The following GALNT9 variants were observed in gnomAD, a reference collection of about 807,000 sequenced individuals.
GALNT9 encodes GalNAc transferase 9.
GALNT9 carries 47 observed loss-of-function variants against 63.1 expected under a neutral mutation model. The observed-to-expected ratio is 0.75, with a 90% CI of 0.59 to 0.95. The LOEUF is 0.95. Among genes scored for constraint, GALNT9 ranks in the 40% least tolerant of loss-of-function variants. GALNT9 has a pLI of 0.00. For missense variants in GALNT9, 829 were observed against 874.8 expected (o/e 0.95, Z 0.66); for synonymous variants, 396 against 365.7 (o/e 1.08, Z -0.94).
chr12:132,254,193 T>TTTTG lies in GALNT9; in HGVS notation c.959+3495_959+3496insCAAA, dbSNP rs1488631639. On this transcript the variant is annotated intron_variant, in intron 5 of 10. Coordinates refer to ENST00000328957, the MANE Select transcript of GALNT9 (RefSeq NM_001122636.2). ...CCTGACACCACGCCCTGCGAATTTT[T>TTTTG]GTATTTTTAGTAGAGACAGGGTTTT... 1.1e-4 allele frequency among the ~76,000 whole-genome samples: 16 copies of TTTTG among 152,122 alleles called. No homozygotes were observed. In the East Asian group the frequency reaches 3.1e-3, roughly 29 times the overall value.
intron 1 of GALNT9, among the ~76,000 whole-genome samples, chr12:132,323,011 G>A (rs113833973): frequency 6.6e-6 from 1 of 152,268 alleles, no homozygotes; most frequent in African/African-American, 2.4e-5. Context: ...CTCCTCCAGC[G>A]CCTCCCGGCT....
intron 6 of GALNT9, among the ~76,000 whole-genome samples, chr12:132,230,861 G>C (rs914778433): frequency 6.6e-6 from 1 of 152,206 alleles, no homozygotes; most frequent in South Asian, 2.1e-4. Context: ...AGACCACACC[G>C]CAGGCCACTG....
chr12:132,263,353 T>A (rs1304874916), intron 2 of GALNT9, among the ~76,000 whole-genome samples: 1 of 152,212 alleles, frequency 6.6e-6, no homozygotes, highest in Non-Finnish European at 1.5e-5. Context: ...GGAAAAAGCT[T>A]GGATTGCACA....
intron 8 of GALNT9, 66 bp downstream of exon 8, chr12:132,201,058 A>G (rs1029371402): frequency 1.8e-5 from 27 of 1,469,302 alleles, no homozygotes; most frequent in Non-Finnish European, 2.5e-5. Flanking sequence ...CCCTGAATGC[A>G]TACGTGTGCA....
chr12:132,278,984 GCCCAT>G (rs142889359), intron 2 of GALNT9: 7,731 of 135,940 alleles, frequency 0.057, 393 homozygotes, highest in African/African-American at 0.21. Flanking sequence ...ACCCAGCCCA[GCCCAT>G]CCCATCCCAA....
At chr12:132,208,449 G>C (rs535813588) in intron 6 of GALNT9, among the ~76,000 whole-genome samples, 1 of 152,364 alleles carries the variant, frequency 6.6e-6, no homozygotes, top group Admixed American at 6.5e-5. Context: ...TATCACCCTA[G>C]GCCTTCGTCA....
chr12:132,203,850 G>T (rs1593465895), intron 6 of GALNT9, among the ~76,000 whole-genome samples, 160 bp from the exon 7 acceptor site: 2 of 152,108 alleles, frequency 1.3e-5, no homozygotes, highest in Non-Finnish European at 2.9e-5. Flanking sequence ...CCTCTCGGGG[G>T]CTGTTTTCAG....
chr12:132,237,133 G>A (rs2136895207), intron 6 of GALNT9, among the ~76,000 whole-genome samples: 2 of 152,102 alleles, frequency 1.3e-5, no homozygotes, highest in Non-Finnish European at 2.9e-5. Flanking sequence ...TGCTGAGGCT[G>A]TGCAGGCAGT....
chr12:132,226,413 C>T (rs1877689956), intron 6 of GALNT9, among the ~76,000 whole-genome samples: 1 of 146,748 alleles, frequency 6.8e-6, no homozygotes, highest in Admixed American at 6.8e-5. Flanking sequence ...TCATATACCC[C>T]ATGTACACAC....
intron 6 of GALNT9, among the ~76,000 whole-genome samples, chr12:132,243,312 A>T (rs1172758175): frequency 3.0e-5 from 4 of 134,716 alleles, no homozygotes; most frequent in Non-Finnish European, 4.6e-5. Context: ...TATACCCATT[A>T]CACACACACC....
chr12:132,213,405 G>A (rs181098460), intron 6 of GALNT9, among the ~76,000 whole-genome samples: 65 of 152,174 alleles, frequency 4.3e-4, no homozygotes, highest in African/African-American at 8.9e-4. Context: ...CACCGCAGAT[G>A]CACACGTGTG....
intron 1 of GALNT9, among the ~76,000 whole-genome samples, chr12:132,324,559 G>A (rs1467492562): frequency 4.6e-5 from 7 of 152,348 alleles, no homozygotes; most frequent in African/African-American, 1.7e-4. Context: ...GTGGCAGCGG[G>A]GGGTCTTTGG....
intron 6 of GALNT9, among the ~76,000 whole-genome samples, chr12:132,243,301 C>G (rs1555237588): frequency 2.1e-5 from 3 of 144,178 alleles, no homozygotes; most frequent in Non-Finnish European, 4.4e-5. Context: ...GGGGCCCTCC[C>G]TATACCCATT....
At position 132,262,445 on chromosome 12, in the gene GALNT9, C is replaced by A. The variant is rs1879431307; in HGVS notation, c.586+14G>T. 1 of 1,546,004 alleles carries A rather than the reference C, an allele frequency of 6.5e-7. No homozygotes were observed. Among genetic ancestry groups the A allele is most frequent in the Non-Finnish European group, 8.7e-7 (1 of 1,144,314 alleles). On this transcript the variant is annotated intron_variant, in intron 3 of 10. Transcript: ENST00000328957. Reference sequence around the variant, plus strand: ...CCGCCCGGCGAGCACCGTGCCGAGGCCCCGCCCACTCACCGTTGTCACTGT... The same window carrying A: ...CCGCCCGGCGAGCACCGTGCCGAGGACCCGCCCACTCACCGTTGTCACTGT...
chr12:132,298,998 A>C lies in GALNT9; in HGVS notation c.239-12568T>G, dbSNP rs140827742. On this transcript the variant is annotated intron_variant, in intron 1 of 10. Transcript: ENST00000328957. ...TAACTAACCCACTCGGACCACACCT[A>C]ACCCATCCCTGAGATGACCAAGCCA... Among the ~76,000 whole-genome samples, 7 of 147,876 alleles carry C rather than the reference A, an allele frequency of 4.7e-5. No homozygotes were observed. The East Asian group carries it at 1.5e-3, about 32-fold the overall frequency.
Position 132,296,089 on chromosome 12 carries a change from G to T in GALNT9, c.239-9659C>A, listed in dbSNP as rs994200063. On this transcript the variant is annotated intron_variant, in intron 1 of 10. Transcript: ENST00000328957. This position sits in a 1 kb window ranked among gnomAD's most constrained non-coding sequence, Gnocchi z 4.2. ...AGGCTCCGGAACAGGGAGAGCCTCC[G>T]AACAGGGAGAGCCTCCGAACAGGGA... Among the ~76,000 whole-genome samples, 7 of 145,966 alleles carry T rather than the reference G, an allele frequency of 4.8e-5. No homozygotes were observed. The highest frequency in any genetic ancestry group is 1.0e-4 in the Non-Finnish European group (7 of 66,988).
intron 6 of GALNT9, among the ~76,000 whole-genome samples, chr12:132,211,651 T>C (rs1027382743): frequency 6.6e-6 from 1 of 152,330 alleles, no homozygotes; most frequent in Admixed American, 6.5e-5. Context: ...TTTTCCCGAA[T>C]ATTCTCTCTG....
Position 132,197,775 on chromosome 12 carries a change from CTT to C in GALNT9, c.1665+15_1665+16del. On this transcript the variant is annotated intron_variant, in intron 10 of 10. Coordinates refer to ENST00000328957, the MANE Select transcript of GALNT9 (RefSeq NM_001122636.2). ...GCCCCGCCCCAACCCCACGGCCCCC[CTT>C]CCCCAGAGGCTGACCTGGGTGAAGT... 3 of 1,530,564 alleles carry C rather than the reference CTT, an allele frequency of 2.0e-6. No individual in the cohort carries two copies. The highest frequency in any genetic ancestry group is 2.7e-6 in the Non-Finnish European group (3 of 1,127,940). 94.8% of individuals were successfully genotyped at this position (1,530,564 alleles called of 1,614,324 possible).
chr12:132,321,224 C>CCGGAG (rs1555246112), intron 1 of GALNT9, among the ~76,000 whole-genome samples: 2 of 29,394 alleles, frequency 6.8e-5, no homozygotes, highest in Non-Finnish European at 1.3e-4. Flanking sequence ...CCCTGTGGGT[C>CCGGAG]TGGAGTCGAG....
Sources: allele counts gnomAD v4.1 joint callset (sites outside exome capture counted in the v4.1 genomes callset), GRCh38; gene constraint gnomAD v4.1.1; non-coding constraint Gnocchi (gnomAD v3.1); transcripts MANE v1.5; gene names NCBI Gene and HGNC (gene_info 2026-07-23, HGNC 2026-07-21).